Variants in AGBL1 observed in about 807,000 individuals in gnomAD.
AGBL1 encodes cytosolic carboxypeptidase 4.
In AGBL1, 130 loss-of-function variants were observed where a neutral mutation model predicts 118.9. That is an observed-to-expected ratio of 1.09 (90% CI 0.95 to 1.26). The LOEUF is 1.26. Among genes scored for constraint, AGBL1 ranks in the 50% most tolerant of loss-of-function variants. The pLI, the probability that AGBL1 is intolerant of heterozygous loss-of-function variation, is 0.00. For missense variants in AGBL1, 1,584 were observed against 1,298.1 expected (o/e 1.22, Z -3.38); for synonymous variants, 555 against 478.9 (o/e 1.16, Z -2.08).
At chr15:86,266,122 C>A (rs1003859946) in intron 11 of AGBL1, among the ~76,000 whole-genome samples, 15 of 152,210 alleles carry the variant, frequency 9.9e-5, no homozygotes, top group African/African-American at 3.4e-4. Flanking sequence ...GCCAAGAATT[C>A]TCTAACTGAA....
chr15:86,410,842 A>G (rs367985544), intron 18 of AGBL1, among the ~76,000 whole-genome samples: 3,602 of 74,276 alleles, frequency 0.048, 235 homozygotes, highest in East Asian at 0.19. Flanking sequence ...ATATATATAT[A>G]ATATACTATT....
chr15:86,393,518 A>G (rs1383312245), intron 17 of AGBL1, among the ~76,000 whole-genome samples: 2 of 152,196 alleles, frequency 1.3e-5, no homozygotes, highest in Admixed American at 6.6e-5. Context: ...GTTGGGTACA[A>G]ATTCATCAAG....
chr15:86,146,705 T>C (rs1401528681), intron 3 of AGBL1, among the ~76,000 whole-genome samples: 2 of 152,216 alleles, frequency 1.3e-5, no homozygotes, highest in African/African-American at 2.4e-5. Flanking sequence ...CAAGGGGTTA[T>C]AGTCCTTGAC....
At chr15:86,919,641 T>C (rs1015923032), downstream of AGBL1, among the ~76,000 whole-genome samples, 1 of 151,818 alleles carries the variant, frequency 6.6e-6, no homozygotes, top group African/African-American at 2.4e-5. Flanking sequence ...AACTCTTATA[T>C]GAATGAAGAA....
At chr15:86,942,609 T>G (rs1053333479) in intron 23 of AGBL1, among the ~76,000 whole-genome samples, 20 of 152,148 alleles carry the variant, frequency 1.3e-4, no homozygotes, top group African/African-American at 1.9e-4. Flanking sequence ...CACACCTCTC[T>G]CTCTCAACTT....
chr15:87,023,706 T>A (rs1399860338), intron 24 of AGBL1, among the ~76,000 whole-genome samples: 1 of 152,044 alleles, frequency 6.6e-6, no homozygotes, highest in Non-Finnish European at 1.5e-5. Context: ...CACATGGAAC[T>A]TTCTTCAAGA....
chr15:86,347,025 C>T lies in AGBL1; in HGVS notation c.2375-50341C>T, dbSNP rs113868097. Among the ~76,000 whole-genome samples the T allele has an allele frequency of 9.4e-3, 1,437 of 152,108 alleles. 32 individuals are homozygous for T. The highest frequency in any genetic ancestry group is 0.032 in the African/African-American group (1,319 of 41,486). On this transcript the variant is annotated intron_variant, in intron 17 of 22. Coordinates refer to ENST00000614907, the MANE Select transcript of AGBL1 (RefSeq NM_001386094.1). ...GGGCTTTATTAATAATAGCATCTGA[C>T]GGTTTATTGAATATGTGGTGCCCAA...
chr15:86,188,423 G>A (rs2141820673), intron 5 of AGBL1, among the ~76,000 whole-genome samples: 1 of 152,216 alleles, frequency 6.6e-6, no homozygotes, highest in African/African-American at 2.4e-5. Flanking sequence ...AAAGACTGTT[G>A]ATAATCTTGT....
intron 24 of AGBL1, among the ~76,000 whole-genome samples, chr15:87,001,728 C>T (rs1368009205): frequency 1.3e-5 from 2 of 151,980 alleles, no homozygotes; most frequent in East Asian, 3.9e-4. Context: ...CTCTGATGGC[C>T]AGTGATGATA....
At position 86,828,293 on chromosome 15, in the gene AGBL1, T is replaced by C. The variant is rs74027125; in HGVS notation, c.3159-78794T>C. ...TGATTTCTTGATCATTCTGGCAGGC[T>C]GAATAATAACCCCCAAATATGTCCA... On this transcript the variant is annotated intron_variant, in intron 22 of 22. Coordinates refer to ENST00000614907, the MANE Select transcript of AGBL1 (RefSeq NM_001386094.1). 2.8e-3 allele frequency among the ~76,000 whole-genome samples: 431 copies of C among 152,150 alleles called. 2 individuals carry two copies. Among genetic ancestry groups the C allele is most frequent in the African/African-American group, 9.9e-3 (412 of 41,518 alleles).
At chr15:86,493,620 G>T (rs747941781) in intron 18 of AGBL1, among the ~76,000 whole-genome samples, 18 of 152,022 alleles carry the variant, frequency 1.2e-4, no homozygotes, top group Non-Finnish European at 2.5e-4. Flanking sequence ...ACATTTTCAA[G>T]ATTTCATGAA....
At chr15:86,427,226 T>A (rs192288966) in intron 18 of AGBL1, among the ~76,000 whole-genome samples, 4 of 152,338 alleles carry the variant, frequency 2.6e-5, no homozygotes, top group Admixed American at 1.3e-4. Context: ...AGGAACAGTT[T>A]GTGAAATGAA....
At chr15:86,097,264 C>T (rs1202650902) in intron 1 of AGBL1, among the ~76,000 whole-genome samples, 2 of 152,128 alleles carry the variant, frequency 1.3e-5, no homozygotes, top group African/African-American at 4.8e-5. Context: ...ACGAGCAAGT[C>T]AGAGTAATTG....
chr15:86,856,181 T>A (rs556155705), intron 22 of AGBL1, among the ~76,000 whole-genome samples: 1 of 152,286 alleles, frequency 6.6e-6, no homozygotes, highest in East Asian at 1.9e-4. Context: ...TCCTCCTCCC[T>A]TTCTCTTTCA....
At chr15:86,828,450 A>T (rs1219625397) in intron 22 of AGBL1, among the ~76,000 whole-genome samples, 1 of 152,126 alleles carries the variant, frequency 6.6e-6, no homozygotes, top group Non-Finnish European at 1.5e-5. Flanking sequence ...GTAATCATAC[A>T]TGTCCTTATA....
intron 22 of AGBL1, among the ~76,000 whole-genome samples, chr15:86,840,349 C>T (rs1018934944): frequency 6.6e-6 from 1 of 152,190 alleles, no homozygotes; most frequent in African/African-American, 2.4e-5. Context: ...ATTCTTATTG[C>T]TCCAAGATGA....
At position 86,443,886 on chromosome 15, in the gene AGBL1, G is replaced by C. The variant is rs568837440; in HGVS notation, c.2555+46340G>C. ...CTTGGGTTGACTCCTCTATATCTTAGCTATTGTGACTAGTGCTGCAATAAA... is the reference window on the plus strand; with the variant it reads ...CTTGGGTTGACTCCTCTATATCTTACCTATTGTGACTAGTGCTGCAATAAA... On this transcript the variant is annotated intron_variant, in intron 18 of 22. Transcript: ENST00000614907. Among the ~76,000 whole-genome samples, 4 of 152,048 alleles carry C rather than the reference G, an allele frequency of 2.6e-5. No homozygotes were observed. In the East Asian group the frequency reaches 5.8e-4, roughly 22 times the overall value.
At chr15:86,168,057 G>A (rs1216787863) in intron 5 of AGBL1, among the ~76,000 whole-genome samples, 2 of 152,208 alleles carry the variant, frequency 1.3e-5, no homozygotes, top group African/African-American at 4.8e-5. Context: ...TGGTTTGCCT[G>A]AGTTGTCCTC....
At chr15:86,262,966 C>G (rs2079016944) in intron 10 of AGBL1, 72 bp downstream of exon 10, 7 of 1,074,434 alleles carry the variant, frequency 6.5e-6, no homozygotes, top group Non-Finnish European at 9.8e-6. Flanking sequence ...GGAGGCCAAA[C>G]CAGGGTGTCC....
Sources: gnomAD v4.1 joint callset for allele counts (sites outside exome capture counted in the v4.1 genomes callset) on GRCh38, gnomAD v4.1.1 for gene constraint, MANE v1.5 for transcripts, NCBI Gene and HGNC (gene_info 2026-07-23, HGNC 2026-07-21) for gene names.